Variants in ASIC2 observed in about 807,000 individuals in gnomAD.
The protein encoded by ASIC2 is acid-sensing ion channel 2.
In ASIC2, 25 loss-of-function variants were observed where a neutral mutation model predicts 57.3. The ratio of observed to expected loss-of-function variants is 0.44; its 90% confidence interval spans 0.32 to 0.61. The LOEUF (loss-of-function observed/expected upper bound fraction) is 0.61, where lower values mean the gene tolerates loss of function less well. ASIC2 is among the 20% of genes least tolerant of loss of function. ASIC2 has a pLI of 0.06. For synonymous variants in ASIC2, 319 were observed against 307.5 expected, an observed-to-expected ratio of 1.04 and a Z score of -0.39; for missense variants, 641 against 738.1, an observed-to-expected ratio of 0.87 and a Z score of 1.52.
At chr17:33,535,167 G>A (rs1915186812) in intron 1 of ASIC2, among the ~76,000 whole-genome samples, 1 of 152,164 alleles carries the variant, frequency 6.6e-6, no homozygotes, top group Non-Finnish European at 1.5e-5. Flanking sequence ...TCTGTGTAGG[G>A]AAGTGGTTGC....
chr17:34,052,962 C>G (rs1908626346), intron 1 of ASIC2, among the ~76,000 whole-genome samples: 1 of 151,808 alleles, frequency 6.6e-6, no homozygotes, highest in Non-Finnish European at 1.5e-5. Context: ...CTTCTCCTTC[C>G]TTCCACCCTC....
intron 1 of ASIC2, among the ~76,000 whole-genome samples, chr17:34,151,691 C>T (rs771409168): frequency 1.6e-4 from 25 of 152,110 alleles, no homozygotes; most frequent in African/African-American, 5.8e-4. Flanking sequence ...TGCCTGTGCT[C>T]CAAAGCTGTT....
chr17:33,585,803 T>C (rs1904610021), intron 1 of ASIC2, among the ~76,000 whole-genome samples: 2 of 152,248 alleles, frequency 1.3e-5, no homozygotes, highest in Non-Finnish European at 2.9e-5. Context: ...TTTGTAGTTT[T>C]CTTAGTCTTG....
At chr17:33,703,346 T>C (rs1908766730) in intron 1 of ASIC2, among the ~76,000 whole-genome samples, 1 of 151,492 alleles carries the variant, frequency 6.6e-6, no homozygotes, top group Admixed American at 6.6e-5. Flanking sequence ...GCTGTTGTTG[T>C]TGTTGTTGTT....
intron 1 of ASIC2, among the ~76,000 whole-genome samples, chr17:33,772,360 T>C (rs1324598195): frequency 5.3e-5 from 8 of 152,178 alleles, no homozygotes; most frequent in Non-Finnish European, 1.2e-4. Flanking sequence ...TAGCCAATCA[T>C]ATTTCTACAC....
chr17:33,883,247 T>C (rs899963859), intron 1 of ASIC2, among the ~76,000 whole-genome samples: 1 of 151,944 alleles, frequency 6.6e-6, no homozygotes, highest in African/African-American at 2.4e-5. Flanking sequence ...AGTATAATAA[T>C]AATATTAATA....
chr17:33,776,064 C>T (rs1053211455), intron 1 of ASIC2, among the ~76,000 whole-genome samples: 11 of 145,498 alleles, frequency 7.6e-5, no homozygotes, highest in African/African-American at 2.6e-4. Context: ...ACCAGGGAGG[C>T]GGAGGTTGCG....
intron 1 of ASIC2, among the ~76,000 whole-genome samples, chr17:33,469,822 C>T (rs1334296853): frequency 1.3e-5 from 2 of 152,050 alleles, no homozygotes; most frequent in African/African-American, 4.8e-5. Context: ...TACTTAACCT[C>T]GGGGATAGAG....
chr17:33,655,071 C>A (rs1163534664), intron 1 of ASIC2, among the ~76,000 whole-genome samples: 1 of 152,208 alleles, frequency 6.6e-6, no homozygotes, highest in Non-Finnish European at 1.5e-5. Context: ...ATCCACCACA[C>A]CCCATACACT....
chr17:34,124,141 G>GT (rs1207070915), intron 1 of ASIC2, among the ~76,000 whole-genome samples: 3 of 152,148 alleles, frequency 2.0e-5, no homozygotes, highest in African/African-American at 7.2e-5. Flanking sequence ...GGTGACATTG[G>GT]TATTATTTTT....
intron 1 of ASIC2, among the ~76,000 whole-genome samples, chr17:33,563,953 T>C (rs1217047002): frequency 6.6e-6 from 1 of 152,158 alleles, no homozygotes; most frequent in African/African-American, 2.4e-5. Context: ...CATCTCTAAC[T>C]CTGGTACTCG....
chr17:33,433,616 G>A (rs889897864), intron 1 of ASIC2, among the ~76,000 whole-genome samples: 1 of 152,068 alleles, frequency 6.6e-6, no homozygotes, highest in African/African-American at 2.4e-5. Context: ...GGGGCGTGGT[G>A]GTGTGTGCCT....
At chr17:33,076,188 C>A (rs532936846) in intron 3 of ASIC2, among the ~76,000 whole-genome samples, 2 of 152,070 alleles carry the variant, frequency 1.3e-5, no homozygotes, top group Non-Finnish European at 2.9e-5. Flanking sequence ...ATCTTTCAAA[C>A]GTTGCTTTTC....
At chr17:33,212,794 T>C (rs1907329722) in intron 1 of ASIC2, among the ~76,000 whole-genome samples, 1 of 152,162 alleles carries the variant, frequency 6.6e-6, no homozygotes, top group Non-Finnish European at 1.5e-5. Flanking sequence ...TGACTTCAAT[T>C]TGAACCAATG....
intron 2 of ASIC2, among the ~76,000 whole-genome samples, chr17:33,097,861 G>T (rs1274203203): frequency 6.6e-6 from 1 of 152,176 alleles, no homozygotes; most frequent in Non-Finnish European, 1.5e-5. Context: ...AACCAGAGGT[G>T]TCATTTTAGA....
chr17:33,694,710 G>T (rs893592068), intron 1 of ASIC2, among the ~76,000 whole-genome samples: 5 of 152,174 alleles, frequency 3.3e-5, no homozygotes, highest in African/African-American at 1.2e-4. Context: ...AGAGAACAGG[G>T]GGTGAGATAC....
At chr17:33,825,178 C>A (rs1286074125) in intron 1 of ASIC2, among the ~76,000 whole-genome samples, 1 of 152,316 alleles carries the variant, frequency 6.6e-6, no homozygotes, top group South Asian at 2.1e-4. Context: ...ACCTTGCCTC[C>A]TTCCCTCTAA....
At chr17:33,917,857 C>CAG (rs746660604) in intron 1 of ASIC2, among the ~76,000 whole-genome samples, 1 of 79,570 alleles carries the variant, frequency 1.3e-5, no homozygotes, top group African/African-American at 3.0e-5. Flanking sequence ...AAGCCCGGTA[C>CAG]ACACACACAC....
At chr17:33,264,176 C>T (rs1047318187) in intron 1 of ASIC2, among the ~76,000 whole-genome samples, 2 of 152,244 alleles carry the variant, frequency 1.3e-5, no homozygotes, top group Non-Finnish European at 2.9e-5. Flanking sequence ...AAACACTTTA[C>T]AAGCCGTGAT....
Sources: gnomAD v4.1 joint callset for allele counts (sites outside exome capture counted in the v4.1 genomes callset) on GRCh38, gnomAD v4.1.1 for gene constraint, MANE v1.5 for transcripts, NCBI Gene and HGNC (gene_info 2026-07-23, HGNC 2026-07-21) for gene names.